The following SLC5A10 variants were observed in gnomAD, a reference collection of about 807,000 sequenced individuals.
SLC5A10 encodes sodium/mannose cotransporter SLC5A10.
Under a neutral mutation model 68.9 loss-of-function variants are expected in SLC5A10, and 55 were observed. The observed-to-expected ratio is 0.80, with a 90% CI of 0.64 to 1.00. The LOEUF (loss-of-function observed/expected upper bound fraction) is 1.00, where lower values mean the gene tolerates loss of function less well. SLC5A10 is among the 50% of genes least tolerant of loss of function. The pLI is 0.00. For synonymous variants in SLC5A10, 344 were observed against 344.8 expected, an observed-to-expected ratio of 1.00 and a Z score of 0.02; for missense variants, 732 against 819.3, an observed-to-expected ratio of 0.89 and a Z score of 1.30.
In SLC5A10 at chr17:19,015,197, A is replaced by ACGGTACGGGGGTGTGGGC; in HGVS notation, c.1241+11_1241+12insTGGGCCGGTACGGGGGTG. The ACGGTACGGGGGTGTGGGC allele has an allele frequency of 1.1e-6, 1 of 907,514 alleles. No individual in the cohort carries two copies. The highest frequency in any genetic ancestry group is 1.7e-6 in the Non-Finnish European group (1 of 594,034). The allele number at this position is 907,514 out of a possible 1,614,324, so 56.2% of individuals were successfully genotyped here. A position where few individuals can be genotyped will look rare whatever the true frequency, so the allele number is the denominator to read the frequency against. ...GCGAGCGGGAGCTCCTGCTGGTGGG[A>ACGGTACGGGGGTGTGGGC]CGGTACGGGGGTGGGGGCCAGTACG... On this transcript the variant is annotated inframe_insertion and splice_region_variant, in exon 11 of 15. Transcript: ENST00000395645.
At chr17:18,966,606 C>T (rs969294119) in intron 5 of SLC5A10, among the ~76,000 whole-genome samples, 10 of 151,942 alleles carry the variant, frequency 6.6e-5, no homozygotes, top group African/African-American at 1.5e-4. Flanking sequence ...CAAAATTAGC[C>T]GGGCTTGATG....
At chr17:18,993,896 A>G (rs1379725407) in intron 9 of SLC5A10, among the ~76,000 whole-genome samples, 3 of 152,236 alleles carry the variant, frequency 2.0e-5, no homozygotes, top group Non-Finnish European at 4.4e-5. Context: ...GGAAATTAAA[A>G]TGAATTCATG....
intron 8 of SLC5A10, among the ~76,000 whole-genome samples, chr17:18,973,253 C>G (rs148805314): frequency 6.6e-6 from 1 of 152,250 alleles, no homozygotes; most frequent in Non-Finnish European, 1.5e-5. Flanking sequence ...CTGGGTGGAA[C>G]ATCAGTCAGG....
intron 9 of SLC5A10, among the ~76,000 whole-genome samples, chr17:18,981,442 C>T (rs558192803): frequency 3.3e-5 from 5 of 152,274 alleles, no homozygotes; most frequent in African/African-American, 1.2e-4. Flanking sequence ...GGAGGATTTA[C>T]AGCAAGAGCG....
At chr17:18,981,556 C>CGCCATGCCATCCAGCCTCCT (rs1478812629) in intron 9 of SLC5A10, among the ~76,000 whole-genome samples, 1 of 152,108 alleles carries the variant, frequency 6.6e-6, no homozygotes, top group East Asian at 1.9e-4. Context: ...CAGAGCTGCC[C>CGCCATGCCATCCAGCCTCCT]GCCATGCCAT....
At chr17:19,019,146 C>T in intron 11 of SLC5A10, 2 of 426,026 alleles carry the variant, frequency 4.7e-6, no homozygotes, top group Admixed American at 8.2e-5. Flanking sequence ...CATGGCGGAG[C>T]TCCAAGGGCT....
At chr17:19,014,472 G>A (rs910264633) in intron 10 of SLC5A10, among the ~76,000 whole-genome samples, 1 of 152,214 alleles carries the variant, frequency 6.6e-6, no homozygotes, top group Non-Finnish European at 1.5e-5. Flanking sequence ...GCCATGCACA[G>A]GAAGTGGCGG....
At chr17:18,969,504 G>T (rs1304414005) in intron 7 of SLC5A10, 82 bp downstream of exon 7, 4 of 1,330,698 alleles carry the variant, frequency 3.0e-6, no homozygotes, top group Non-Finnish European at 4.2e-6. Context: ...CACTGTGCAG[G>T]ATTCATGCCG....
At chr17:18,977,497 T>C (rs2043009065) in intron 9 of SLC5A10, 2 of 1,303,420 alleles carry the variant, frequency 1.5e-6, no homozygotes, top group East Asian at 2.3e-5. Flanking sequence ...GTCAGGGACA[T>C]GGTAGCCCAG....
At position 18,988,275 on chromosome 17, in the gene SLC5A10, C is replaced by T. The variant is rs773012491; in HGVS notation, c.982+11286C>T. 5 of 1,613,390 alleles carry T rather than the reference C, an allele frequency of 3.1e-6. No individual in the cohort carries two copies. The South Asian group carries it at 3.3e-5, about 11-fold the overall frequency. On this transcript the variant is annotated intron_variant, in intron 9 of 14. Transcript: ENST00000395645. ...GAGGTGCCCCAGGTGCATGCAGGCC[C>T]GCTCACACATGTGCAGGAAGTACTT... is the stretch of plus-strand genomic sequence containing the variant.
Position 19,003,077 on chromosome 17 carries a change from G to A in SLC5A10, c.983-10333G>A, listed in dbSNP as rs2043771331. 6.6e-6 allele frequency among the ~76,000 whole-genome samples: 1 copy of A among 151,996 alleles called. No individual in the cohort carries two copies. Among genetic ancestry groups the A allele is most frequent in the African/African-American group, 2.4e-5 (1 of 41,380 alleles). On this transcript the variant is annotated intron_variant, in intron 9 of 14. Transcript: ENST00000395645. The surrounding 1 kb of genome is among the most constrained non-coding windows in gnomAD (Gnocchi z 4.5). The stretch of plus-strand genomic sequence containing the variant: ...AGGACCTCCAGGCCAGTCTCAGATG[G>A]ACTTGGACCATGCCTATTCCCTCAC...
chr17:18,952,880 CG>C (rs2042401056), intron 1 of SLC5A10, among the ~76,000 whole-genome samples: 1 of 152,108 alleles, frequency 6.6e-6, no homozygotes, highest in Non-Finnish European at 1.5e-5. Flanking sequence ...CCAGGGGCAG[CG>C]GGGCCCCTGG....
chr17:19,013,092 G>A (rs189454137), intron 9 of SLC5A10, among the ~76,000 whole-genome samples: 4 of 152,234 alleles, frequency 2.6e-5, no homozygotes, highest in African/African-American at 4.8e-5. Context: ...GGGGACGAGG[G>A]GGGCAAGGGA....
rs376950895 is a variant in SLC5A10, at chr17:18,971,258, G to C, written c.846+40G>C. 1 of 1,612,010 alleles carries C rather than the reference G, an allele frequency of 6.2e-7. No homozygotes were observed. The highest frequency in any genetic ancestry group is 8.5e-7 in the Non-Finnish European group (1 of 1,178,666). On this transcript the variant is annotated intron_variant, in intron 8 of 14. Coordinates refer to ENST00000395645, the MANE Select transcript of SLC5A10 (RefSeq NM_001042450.4). This position sits in a 1 kb window ranked among gnomAD's most constrained non-coding sequence, Gnocchi z 5.5. ...CTCCCGCCCATCCCACCTTCCTGCC[G>C]TCCCAGTGGGCTCTGGTAGGCCCAG...
chr17:18,973,884 GTTTTTTTTT>G (rs35778801), intron 8 of SLC5A10, among the ~76,000 whole-genome samples: 11 of 95,726 alleles, frequency 1.1e-4, no homozygotes, highest in South Asian at 3.1e-4. Context: ...TTTTTTTTAA[GTTTTTTTTT>G]TTTTTTTTTT....
At chr17:18,977,543 GAGGGACTCGTGACCCCTGGTGTGC>G in intron 9 of SLC5A10, 1 of 1,572,296 alleles carries the variant, frequency 6.4e-7, no homozygotes, top group South Asian at 1.2e-5. Context: ...GGCTGGCAGG[GAGGGACTCGTGACCCCTGGTGTGC>G]AGGGACCCTG....
In SLC5A10 at chr17:18,959,025, G is replaced by A. The variant is rs888115704; in HGVS notation, c.184-110G>A. ...ACCCTGGGCTCCTCATCCGTGAGGT[G>A]GGGCTAGGACCCCGCTTAGGTTTGT... On this transcript the variant is annotated intron_variant, in intron 2 of 14. Transcript: ENST00000395645. 6.5e-6 allele frequency: 7 copies of A among 1,074,166 alleles called. No homozygotes were observed. In the African/African-American group the frequency reaches 9.5e-5, roughly 15 times the overall value. 66.5% of individuals were successfully genotyped at this position (1,074,166 alleles called of 1,614,324 possible).
At chr17:18,978,620 TA>T in intron 9 of SLC5A10, 2 of 1,613,082 alleles carry the variant, frequency 1.2e-6, no homozygotes, top group Non-Finnish European at 1.7e-6. Flanking sequence ...GACAAGTGCG[TA>T]CTTGGGGTTG....
At position 18,960,472 on chromosome 17, in the gene SLC5A10, T is replaced by G. The variant is rs2151993686; in HGVS notation, c.349-76T>G. ...CTTTGTGGCGGGGGGAGAGGCAGAG[T>G]GATTGAGACAGGCCCTGCCTGGAGC... On this transcript the variant is annotated intron_variant, in intron 4 of 14. Transcript: ENST00000395645. 11 of 1,261,354 alleles carry G rather than the reference T, an allele frequency of 8.7e-6. No homozygotes were observed. The Middle Eastern group carries it at 8.0e-4, about 92-fold the overall frequency. The allele number at this position is 1,261,354 out of a possible 1,614,324, so 78.1% of individuals were successfully genotyped here. A position where few individuals can be genotyped will look rare whatever the true frequency, so the allele number is the denominator to read the frequency against.
Sources: allele counts gnomAD v4.1 joint callset (sites outside exome capture counted in the v4.1 genomes callset), GRCh38; gene constraint gnomAD v4.1.1; non-coding constraint Gnocchi (gnomAD v3.1); transcripts MANE v1.5; gene names NCBI Gene and HGNC (gene_info 2026-07-23, HGNC 2026-07-21).